Variants in TPX2 observed in about 807,000 individuals in gnomAD.
TPX2 encodes targeting protein for Xklp2.
In TPX2, 21 loss-of-function variants were observed where a neutral mutation model predicts 93.6. That is an observed-to-expected ratio of 0.22 (90% CI 0.16 to 0.32). The LOEUF (loss-of-function observed/expected upper bound fraction) is 0.32. Ranked by LOEUF, TPX2 falls within the 10% of genes least tolerant of loss-of-function variation. The pLI, the probability that TPX2 is intolerant of heterozygous loss-of-function variation, is 1.00. For synonymous variants in TPX2, 281 were observed against 298.3 expected (o/e 0.94, Z 0.60); for missense variants, 776 against 871.1 (o/e 0.89, Z 1.37).
At chr20:31,743,085 G>A (rs998040071) in intron 2 of TPX2, among the ~76,000 whole-genome samples, 2 of 152,052 alleles carry the variant, frequency 1.3e-5, no homozygotes, top group Non-Finnish European at 2.9e-5. Context: ...GTGGTGGTGC[G>A]CATCTGTAAT....
At chr20:31,749,482 A>G (rs1475665552) in intron 2 of TPX2, among the ~76,000 whole-genome samples, 2 of 152,166 alleles carry the variant, frequency 1.3e-5, no homozygotes, top group Admixed American at 6.5e-5. Flanking sequence ...AGTGTCTGGC[A>G]TGTCATAAGT....
chr20:31,782,588 T>C (rs1382881195), intron 11 of TPX2, among the ~76,000 whole-genome samples, 198 bp downstream of exon 11: 2 of 152,070 alleles, frequency 1.3e-5, no homozygotes, highest in Non-Finnish European at 2.9e-5. Context: ...GAGTATAAAC[T>C]GGTAAAAATT....
At chr20:31,791,687 A>G (rs527477664) in intron 12 of TPX2, among the ~76,000 whole-genome samples, 3 of 152,234 alleles carry the variant, frequency 2.0e-5, no homozygotes, top group Non-Finnish European at 4.4e-5. Context: ...TGGAGCTGAA[A>G]GACTGTTAGG....
intron 10 of TPX2, chr20:31,781,157 C>T (rs953939298): frequency 4.3e-5 from 7 of 161,132 alleles, no homozygotes; most frequent in African/African-American, 1.7e-4. Flanking sequence ...CTCCTGGCCT[C>T]AAGCAGTTCT....
chr20:31,794,146 T>A, intron 14 of TPX2, 122 bp downstream of exon 14: 1 of 1,172,784 alleles, frequency 8.5e-7, no homozygotes, highest in Non-Finnish European at 1.2e-6. Context: ...AAGAACCCTA[T>A]AAAATATAAA....
At chr20:31,753,126 A>G (rs1350469256) in intron 2 of TPX2, among the ~76,000 whole-genome samples, 1 of 152,256 alleles carries the variant, frequency 6.6e-6, no homozygotes, top group Non-Finnish European at 1.5e-5. Context: ...TATTCCAGAC[A>G]GAAGACTATG....
At chr20:31,799,285 TAAAA>T (rs1457909624) in intron 17 of TPX2, among the ~76,000 whole-genome samples, 3 of 152,130 alleles carry the variant, frequency 2.0e-5, no homozygotes, top group Non-Finnish European at 2.9e-5. Flanking sequence ...GTATGATAAA[TAAAA>T]AAAGAAAGGG....
chr20:31,793,709 G>T, intron 13 of TPX2, 139 bp from the exon 14 acceptor site: 3 of 782,720 alleles, frequency 3.8e-6, no homozygotes, highest in Non-Finnish European at 5.8e-6. Flanking sequence ...ATCCTTCTTG[G>T]ATAGAAAAGG....
At position 31,753,442 on chromosome 20, in the gene TPX2, A is replaced by G. The variant is rs186514271; in HGVS notation, c.-70-3965A>G. On this transcript the variant is annotated intron_variant, in intron 2 of 17. Coordinates refer to ENST00000300403, the MANE Select transcript of TPX2 (RefSeq NM_012112.5). ...TATCATGGCACCTGGCATGTAATGA[A>G]CACCTCTGGTAACTGTTTTTACCAT... Among the ~76,000 whole-genome samples, 218 of 152,290 alleles carry G rather than the reference A, an allele frequency of 1.4e-3. 3 individuals carry two copies. The highest frequency in any genetic ancestry group is 8.3e-3 in the East Asian group (43 of 5,180).
At chr20:31,761,190 T>C (rs938885139) in intron 4 of TPX2, among the ~76,000 whole-genome samples, 4 of 151,214 alleles carry the variant, frequency 2.6e-5, no homozygotes, top group African/African-American at 7.3e-5. Context: ...CACCCCTCCT[T>C]CAATTAATTT....
At chr20:31,761,033 T>A (rs1030229760) in intron 4 of TPX2, among the ~76,000 whole-genome samples, 2 of 152,290 alleles carry the variant, frequency 1.3e-5, no homozygotes, top group Non-Finnish European at 2.9e-5. Flanking sequence ...ATGATTCACT[T>A]AAGATAAACA....
intron 8 of TPX2, among the ~76,000 whole-genome samples, chr20:31,777,033 T>A (rs1250279136): frequency 6.6e-6 from 1 of 152,210 alleles, no homozygotes; most frequent in Non-Finnish European, 1.5e-5. Flanking sequence ...TCTGCTTTGC[T>A]CGGGCATAGA....
At position 31,792,636 on chromosome 20, in the gene TPX2, C is replaced by T. The variant is rs999306410; in HGVS notation, c.1414-99C>T. The T allele has an allele frequency of 1.5e-5, 17 of 1,166,182 alleles. No individual in the cohort carries two copies. The Admixed American group carries it at 2.8e-4, about 19-fold the overall frequency. 72.2% of individuals were successfully genotyped at this position (1,166,182 alleles called of 1,614,324 possible). A position where few individuals can be genotyped will look rare whatever the true frequency, so the allele number is the denominator to read the frequency against. On this transcript the variant is annotated intron_variant, in intron 12 of 17. Transcript: ENST00000300403. ...AGACCAGCTGGGCAACATAGTGAGA[C>T]CCTGTCTCTACCCAAAGGGGAAAAA...
chr20:31,777,764 G>A lies in TPX2; in HGVS notation c.882+126G>A, dbSNP rs1025040344. 5.4e-5 allele frequency: 53 copies of A among 981,662 alleles called. 1 individual carries two copies. In the South Asian group the frequency reaches 1.1e-3, roughly 20 times the overall value. 60.8% of individuals were successfully genotyped at this position (981,662 alleles called of 1,614,324 possible). A position where few individuals can be genotyped will look rare whatever the true frequency, so the allele number is the denominator to read the frequency against. On this transcript the variant is annotated intron_variant, in intron 9 of 17. Coordinates refer to ENST00000300403, the MANE Select transcript of TPX2 (RefSeq NM_012112.5). The stretch of plus-strand genomic sequence containing the variant: ...AAAAACCTTGTGTCTATAAAGTTGT[G>A]TAAAATATAACAGATCTTTTTTTTT...
At chr20:31,793,719 G>T in intron 13 of TPX2, 129 bp from the exon 14 acceptor site, 1 of 876,408 alleles carries the variant, frequency 1.1e-6, no homozygotes, top group Non-Finnish European at 1.7e-6. Flanking sequence ...GATAGAAAAG[G>T]AAGCTAAGAC....
chr20:31,775,753 T>C lies in TPX2; in HGVS notation c.609-114T>C, dbSNP rs1444894342. The C allele has an allele frequency of 6.1e-6, 7 of 1,153,212 alleles. No homozygotes were observed. The African/African-American group carries it at 8.1e-5, about 13-fold the overall frequency. The allele number at this position is 1,153,212 out of a possible 1,614,324, so 71.4% of individuals were successfully genotyped here. ...TATTTATTAGATGATATTTTTTGGT[T>C]TTGATGATTATCTTATCACAGGTTA... On this transcript the variant is annotated intron_variant, in intron 7 of 17. Transcript: ENST00000300403.
At chr20:31,789,531 T>C (rs2062087465) in intron 12 of TPX2, among the ~76,000 whole-genome samples, 1 of 152,042 alleles carries the variant, frequency 6.6e-6, no homozygotes, top group African/African-American at 2.4e-5. Context: ...TAGTAGGTGA[T>C]ATGGGAAGAC....
At chr20:31,800,003 T>C (rs1400916396) in intron 17 of TPX2, among the ~76,000 whole-genome samples, 1 of 151,790 alleles carries the variant, frequency 6.6e-6, no homozygotes, top group Non-Finnish European at 1.5e-5. Flanking sequence ...TCCTCACACT[T>C]TGGGAGGCCA....
intron 3 of TPX2, among the ~76,000 whole-genome samples, chr20:31,758,652 G>A (rs921081013): frequency 6.6e-6 from 1 of 152,122 alleles, no homozygotes; most frequent in African/African-American, 2.4e-5. Context: ...CATTGCAGCT[G>A]TACTTATCCG....
Sources: gnomAD v4.1 joint callset for allele counts (sites outside exome capture counted in the v4.1 genomes callset) on GRCh38, gnomAD v4.1.1 for gene constraint, MANE v1.5 for transcripts, NCBI Gene and HGNC (gene_info 2026-07-23, HGNC 2026-07-21) for gene names.